DNLZ: variants seen among roughly 807,000 people sequenced by gnomAD.
The protein encoded by DNLZ is DNL-type zinc finger protein.
In DNLZ, 15 loss-of-function variants were observed where a neutral mutation model predicts 7.8. That is an observed-to-expected ratio of 1.91 (90% CI 1.28 to 2.95). The LOEUF (loss-of-function observed/expected upper bound fraction) is 2.95, where lower values mean the gene tolerates loss of function less well. Ranked by LOEUF, DNLZ falls within the 30% of genes most tolerant of loss-of-function variation. The pLI is 0.00. For synonymous variants in DNLZ, 123 were observed against 77.8 expected (o/e 1.58, Z -3.05); for missense variants, 255 against 167.3 (o/e 1.52, Z -2.89).
At chr9:136,363,435 G>A (rs950236009) in intron 1 of DNLZ, 52 bp downstream of exon 1, 7 of 761,230 alleles carry the variant, frequency 9.2e-6, no homozygotes, top group East Asian at 7.3e-5. Flanking sequence ...CCCGCAGGCC[G>A]TGTAGCGTCA....
Position 136,363,114 on chromosome 9 carries a change from C to T in DNLZ, c.243G>A (p.Arg81=), listed in dbSNP as rs1244936759. The change falls in exon 2 of 3, where the codon AGG becomes AGA. Residue 81 remains arginine (R), a synonymous_variant. Transcript: ENST00000371738. The stretch of plus-strand genomic sequence containing the variant: ...CCAGCTTGGAGATGCGCTTGGAGGA[C>T]CTAGTCCCGCAGACCTGGCTGGGAC... ...LVYTCKVCGT[R]SSKRISKLAY... The T allele has an allele frequency of 6.2e-7, 1 of 1,613,388 alleles. No homozygotes were observed. The highest frequency in any genetic ancestry group is 8.5e-7 in the Non-Finnish European group (1 of 1,179,972).
chr9:136,361,731 C>T lies in DNLZ; in HGVS notation c.*281G>A. 2.9e-6 allele frequency: 1 copy of T among 348,140 alleles called. No individual in the cohort carries two copies. Among genetic ancestry groups the T allele is most frequent in the Non-Finnish European group, 5.1e-6 (1 of 194,304 alleles). The allele number at this position is 348,140 out of a possible 1,614,324, so 21.6% of individuals were successfully genotyped here. Reference sequence around the variant, plus strand: ...TCTGACGCCACATCCAGCCCCCTTTCCACGCGACTGTGGCCTCTGTGGGCA... The same window carrying T: ...TCTGACGCCACATCCAGCCCCCTTTTCACGCGACTGTGGCCTCTGTGGGCA... On this transcript the variant is annotated 3_prime_UTR_variant, in exon 3 of 3. Transcript: ENST00000371738.
At chr9:136,363,198 T>C in intron 1 of DNLZ, 70 bp from the exon 2 acceptor site, 4 of 1,576,390 alleles carry the variant, frequency 2.5e-6, no homozygotes, top group Middle Eastern at 2.0e-4. Context: ...CCCGCCCCTC[T>C]AGGGGTAGCT....
chr9:136,363,557 T>C lies in DNLZ; in HGVS notation c.158A>G (p.Gln53Arg), dbSNP rs1250681382. The change falls in exon 1 of 3, where the codon CAG becomes CGG. Residue 53 changes from glutamine to arginine, a missense_variant. Coordinates refer to ENST00000371738, the MANE Select transcript of DNLZ (RefSeq NM_001080849.3). ...CAGAGCCGCCGCGGGCCCCGGCCCCTGCTCGGAGCTTGAGCGCCGCCAGCC... is the reference window on the plus strand; with the variant it reads ...CAGAGCCGCCGCGGGCCCCGGCCCCCGCTCGGAGCTTGAGCGCCGCCAGCC... Reference protein sequence around the residue: ...AWGWRRSSSEQGPGPAAALGR... With the variant: ...AWGWRRSSSERGPGPAAALGR... 1.4e-6 allele frequency: 1 copy of C among 701,916 alleles called. No homozygotes were observed. The highest frequency in any genetic ancestry group is 1.8e-5 in the African/African-American group (1 of 55,738). The allele number at this position is 701,916 out of a possible 1,614,324, so 43.5% of individuals were successfully genotyped here. A position where few individuals can be genotyped will look rare whatever the true frequency, so the allele number is the denominator to read the frequency against.
rs779247155 is a variant in DNLZ at position 136,362,179 on chromosome 9, T to C, written c.370A>G (p.Asn124Asp). 1 of 1,485,958 alleles carries C rather than the reference T, an allele frequency of 6.7e-7. No homozygotes were observed. The highest frequency in any genetic ancestry group is 2.7e-5 in the Admixed American group (1 of 37,096). 92.0% of individuals were successfully genotyped at this position (1,485,958 alleles called of 1,614,324 possible). Residue 124 changes from asparagine to aspartate, a missense_variant and splice_region_variant, in exon 3 of 3, where the codon AAT (asparagine) becomes GAT (aspartate). Asn to Asp is a conservative substitution (Grantham distance 23, BLOSUM62 1). Transcript: ENST00000371738. ...CTGGCCGTCAGGATCTCTTCGATAT[T>C]TCTGGGGGGCAGGGAGGCAACATGG... is the stretch of plus-strand genomic sequence containing the variant. Reference protein sequence around the residue: ...GWFSDLNGKRNIEEILTARGE... With the variant: ...GWFSDLNGKRDIEEILTARGE...
rs753683229 is a variant in DNLZ at position 136,362,044 on chromosome 9, G to T, written c.505C>A (p.Pro169Thr). 6.5e-6 allele frequency: 9 copies of T among 1,383,344 alleles called. No homozygotes were observed. In the East Asian group the frequency reaches 2.3e-4, roughly 35 times the overall value. The allele number at this position is 1,383,344 out of a possible 1,614,324, so 85.7% of individuals were successfully genotyped here. A position where few individuals can be genotyped will look rare whatever the true frequency, so the allele number is the denominator to read the frequency against. Residue 169 changes from proline (P) to threonine (T), a missense_variant, in exon 3 of 3, where the codon CCC becomes ACC. Coordinates refer to ENST00000371738, the MANE Select transcript of DNLZ (RefSeq NM_001080849.3). ...AAPEAGEDEG[P>T]PSPGKTEPS is the part of the protein sequence containing the mutation. ...GGCTCCGTCTTGCCAGGGCTGGGGGGACCCTCATCCTCACCCGCTTCCGGA... is the reference window on the plus strand; with the variant it reads ...GGCTCCGTCTTGCCAGGGCTGGGGGTACCCTCATCCTCACCCGCTTCCGGA...
At position 136,363,737 on chromosome 9, in the gene DNLZ, C is replaced by T. The variant is rs1467237086; in HGVS notation, c.-23G>A. On this transcript the variant is annotated 5_prime_UTR_variant, in exon 1 of 3. Transcript: ENST00000371738. ...CATCCCGCTCGCCGGCTCCGTCCGC[C>T]CTGCCCCGGCCCCGCCCCGCCGCCA... 2 of 483,758 alleles carry T rather than the reference C, an allele frequency of 4.1e-6. No individual in the cohort carries two copies. Among genetic ancestry groups the T allele is most frequent in the Non-Finnish European group, 7.1e-6 (2 of 279,808 alleles). 30.0% of individuals were successfully genotyped at this position (483,758 alleles called of 1,614,324 possible).
chr9:136,363,120 C>A lies in DNLZ; in HGVS notation c.237G>T (p.Gly79=). The change falls in exon 2 of 3, where the codon GGG becomes GGT. Residue 79 remains glycine, a synonymous_variant. Transcript: ENST00000371738. ...YQLVYTCKVC[G]TRSSKRISKL... is the part of the protein sequence containing the mutation. ...TGGAGATGCGCTTGGAGGACCTAGT[C>A]CCGCAGACCTGGCTGGGACAGGGTA... The A allele has an allele frequency of 6.2e-7, 1 of 1,613,326 alleles. No homozygotes were observed. The highest frequency in any genetic ancestry group is 8.5e-7 in the Non-Finnish European group (1 of 1,179,964).
Position 136,359,728 on chromosome 9 carries a change from A to C in DNLZ, c.*2284T>G, listed in dbSNP as rs1286284728. 1 of 152,412 alleles carries C rather than the reference A, an allele frequency of 6.6e-6. No individual in the cohort carries two copies. Among genetic ancestry groups the C allele is most frequent in the Non-Finnish European group, 1.5e-5 (1 of 68,194 alleles). 9.4% of individuals were successfully genotyped at this position (152,412 alleles called of 1,614,324 possible). A position where few individuals can be genotyped will look rare whatever the true frequency, so the allele number is the denominator to read the frequency against. On this transcript the variant is annotated 3_prime_UTR_variant, in exon 3 of 3. Transcript: ENST00000371738. ...CTCAGAGAGATGGAGTTCCCACTGC[A>C]TTTAACCACGGGGGAGCTGGGGCAC...
Position 136,363,523 on chromosome 9 carries a change from C to A in DNLZ, c.192G>T (p.Val64=). 1.3e-6 allele frequency: 1 copy of A among 753,150 alleles called. No homozygotes were observed. Among genetic ancestry groups the A allele is most frequent in the East Asian group, 2.5e-5 (1 of 40,322 alleles). 46.7% of individuals were successfully genotyped at this position (753,150 alleles called of 1,614,324 possible). Residue 64 remains valine, a synonymous_variant, in exon 1 of 3, where the codon GTG becomes GTT. Coordinates refer to ENST00000371738, the MANE Select transcript of DNLZ (RefSeq NM_001080849.3). ...GPGPAAALGR[V]EAAHYQLVYT... ...AGACGAGCTGGTAGTGCGCCGCCTC[C>A]ACGCGCCCCAGAGCCGCCGCGGGCC...
Position 136,363,077 on chromosome 9 carries a change from C to T in DNLZ, c.280G>A (p.Gly94Ser). The part of the protein sequence containing the change: ...KRISKLAYHQ[G>S]VVIVTCPGCQ... Reference sequence around the variant, plus strand: ...CCGGGGCAGGTCACAATGACCACGCCTTGGTGATAGGCCAGCTTGGAGATG... The same window carrying T: ...CCGGGGCAGGTCACAATGACCACGCTTTGGTGATAGGCCAGCTTGGAGATG... The change falls in exon 2 of 3, where the codon GGC (glycine) becomes AGC (serine). Residue 94 changes from glycine (G) to serine (S), a missense_variant. Gly to Ser is a moderately conservative substitution (Grantham distance 56, BLOSUM62 0). Transcript: ENST00000371738. 6.2e-7 allele frequency: 1 copy of T among 1,613,692 alleles called. No individual in the cohort carries two copies. The highest frequency in any genetic ancestry group is 8.5e-7 in the Non-Finnish European group (1 of 1,179,986).
chr9:136,362,146 G>A lies in DNLZ; in HGVS notation c.403C>T (p.Gln135Ter). ...IEEILTARGE[Q>*]VHRVAGEGAL... ...CCCTCGCCCGCCACACGGTGCACCTGCTCGCCTCTGGCCGTCAGGATCTCT... is the reference window on the plus strand; with the variant it reads ...CCCTCGCCCGCCACACGGTGCACCTACTCGCCTCTGGCCGTCAGGATCTCT... The change falls in exon 3 of 3, where the codon CAG (glutamine) becomes TAG (stop). Residue 135 changes from glutamine (Q) to a stop codon, truncating the protein, a stop_gained. Coordinates refer to ENST00000371738, the MANE Select transcript of DNLZ (RefSeq NM_001080849.3). LOFTEE classifies it low-confidence loss of function (END_TRUNC). 2 of 1,501,846 alleles carry A rather than the reference G, an allele frequency of 1.3e-6. No individual in the cohort carries two copies. 93.0% of individuals were successfully genotyped at this position (1,501,846 alleles called of 1,614,324 possible). A position where few individuals can be genotyped will look rare whatever the true frequency, so the allele number is the denominator to read the frequency against.
rs1321702886 is a variant in DNLZ at position 136,361,604 on chromosome 9, G to GC, written c.*407dup. 3.6e-5 allele frequency: 6 copies of GC among 167,574 alleles called. No individual in the cohort carries two copies. Among genetic ancestry groups the GC allele is most frequent in the African/African-American group, 1.4e-4 (6 of 42,188 alleles). The allele number at this position is 167,574 out of a possible 1,614,324, so 10.4% of individuals were successfully genotyped here. Reference sequence around the variant, plus strand: ...TGCACTGGCTCACGGAAGGGAGGCCGCCAGAGCTGGCCAGGGGGGCGGCAA... The same window carrying GC: ...TGCACTGGCTCACGGAAGGGAGGCCGCCCAGAGCTGGCCAGGGGGGCGGCAA... On this transcript the variant is annotated 3_prime_UTR_variant, in exon 3 of 3. Coordinates refer to ENST00000371738, the MANE Select transcript of DNLZ (RefSeq NM_001080849.3).
Position 136,363,583 on chromosome 9 carries a change from C to A in DNLZ, c.132G>T (p.Trp44Cys). ...GCTCGGAGCTTGAGCGCCGCCAGCCCCAGGCCCAGGCCCGCCGCCTCCCCG... is the reference window on the plus strand; with the variant it reads ...GCTCGGAGCTTGAGCGCCGCCAGCCACAGGCCCAGGCCCGCCGCCTCCCCG... The part of the protein sequence containing the change: ...EVAGRRRAWA[W>C]GWRRSSSEQG... Residue 44 changes from tryptophan (W) to cysteine (C), a missense_variant, in exon 1 of 3, where the codon TGG (tryptophan) becomes TGT (cysteine). Transcript: ENST00000371738. 1.7e-6 allele frequency: 1 copy of A among 602,850 alleles called. No individual in the cohort carries two copies. Among genetic ancestry groups the A allele is most frequent in the Non-Finnish European group, 2.9e-6 (1 of 340,408 alleles). The allele number at this position is 602,850 out of a possible 1,614,324, so 37.3% of individuals were successfully genotyped here.
At position 136,361,917 on chromosome 9, in the gene DNLZ, G is replaced by A. The variant is rs554105715; in HGVS notation, c.*95C>T. ...GCCCCAGCATCTGGAAGTAATGTCTGTTTATTGATAGAAAACAGGCCACGT... is the reference window on the plus strand; with the variant it reads ...GCCCCAGCATCTGGAAGTAATGTCTATTTATTGATAGAAAACAGGCCACGT... On this transcript the variant is annotated 3_prime_UTR_variant, in exon 3 of 3. Transcript: ENST00000371738. 222 of 972,326 alleles carry A rather than the reference G, an allele frequency of 2.3e-4. No homozygotes were observed. Among genetic ancestry groups the A allele is most frequent in the Non-Finnish European group, 1.5e-4 (115 of 745,638 alleles). The allele number at this position is 972,326 out of a possible 1,614,324, so 60.2% of individuals were successfully genotyped here. A position where few individuals can be genotyped will look rare whatever the true frequency, so the allele number is the denominator to read the frequency against.
At position 136,363,704 on chromosome 9, in the gene DNLZ, G is replaced by T. The variant is rs1263675445; in HGVS notation, c.11C>A (p.Thr4Asn). 1.3e-5 allele frequency: 6 copies of T among 463,176 alleles called. No individual in the cohort carries two copies. Among genetic ancestry groups the T allele is most frequent in the East Asian group, 7.9e-5 (2 of 25,240 alleles). The allele number at this position is 463,176 out of a possible 1,614,324, so 28.7% of individuals were successfully genotyped here. The change falls in exon 1 of 3, where the codon ACT becomes AAT. Residue 4 changes from threonine (T) to asparagine (N), a missense_variant. By Grantham distance (65) the Thr-to-Asn change is moderately conservative (BLOSUM62 0). Transcript: ENST00000371738. Reference sequence around the variant, plus strand: ...CAACCTCGGCGCGCCGCGCAGCGCAGTCCGCAGCATCCCGCTCGCCGGCTC... The same window carrying T: ...CAACCTCGGCGCGCCGCGCAGCGCATTCCGCAGCATCCCGCTCGCCGGCTC... MLR[T>N]ALRGAPRLLS...
chr9:136,363,249 G>C, intron 1 of DNLZ, 121 bp from the exon 2 acceptor site: 1 of 1,203,004 alleles, frequency 8.3e-7, no homozygotes, highest in Non-Finnish European at 1.2e-6. Context: ...CCGCCCCCGA[G>C]GGATAGCTCC....
At chr9:136,362,236 C>A in intron 2 of DNLZ, 56 bp from the exon 3 acceptor site, 1 of 1,406,520 alleles carries the variant, frequency 7.1e-7, no homozygotes. Flanking sequence ...CCCTGCACTT[C>A]AGTCCCCTCA....
At position 136,361,771 on chromosome 9, in the gene DNLZ, C is replaced by G. The variant is rs1588716179; in HGVS notation, c.*241G>C. On this transcript the variant is annotated 3_prime_UTR_variant, in exon 3 of 3. Coordinates refer to ENST00000371738, the MANE Select transcript of DNLZ (RefSeq NM_001080849.3). ...CTCTGTGGGCAAGAGCTGGGTGACT[C>G]TGTGTAGAAGGAACTGTGGTGAGGC... 5 of 387,078 alleles carry G rather than the reference C, an allele frequency of 1.3e-5. No homozygotes were observed. The East Asian group carries it at 1.5e-4, about 11-fold the overall frequency. The allele number at this position is 387,078 out of a possible 1,614,324, so 24.0% of individuals were successfully genotyped here.
Sources: allele counts gnomAD v4.1 joint callset, GRCh38; gene constraint gnomAD v4.1.1; transcripts MANE v1.5; gene names NCBI Gene and HGNC (gene_info 2026-07-23, HGNC 2026-07-21).